ZFAND3: variants seen among roughly 807,000 people sequenced by gnomAD.
ZFAND3 encodes the protein zinc finger AN1-type containing 3.
In ZFAND3, 10 loss-of-function variants were observed where a neutral mutation model predicts 29.6. The observed-to-expected ratio is 0.34, with a 90% CI of 0.21 to 0.57. ZFAND3 has a LOEUF of 0.57. Among genes scored for constraint, ZFAND3 ranks in the 20% least tolerant of loss-of-function variants. ZFAND3 has a pLI of 0.86. For synonymous variants in ZFAND3, 128 were observed against 112.6 expected (o/e 1.14, Z -0.87); for missense variants, 230 against 304.5 (o/e 0.76, Z 1.82).
intron 2 of ZFAND3, among the ~76,000 whole-genome samples, chr6:37,987,945 A>G (rs1415733132): frequency 6.6e-6 from 1 of 152,216 alleles, no homozygotes; most frequent in African/African-American, 2.4e-5. Context: ...TTTTCCGGGA[A>G]TAAATTCTGA....
chr6:37,869,236 C>A (rs1033028169), intron 1 of ZFAND3, among the ~76,000 whole-genome samples: 2 of 152,098 alleles, frequency 1.3e-5, no homozygotes, highest in African/African-American at 2.4e-5. Flanking sequence ...TCTTGGCTCA[C>A]TGCTGCAACC....
In ZFAND3 at chr6:37,974,603, C is replaced by T. The variant is rs921253303; in HGVS notation, c.112+44604C>T. ...TAGAGATAGGGTCTTGCTGTGCTGCCCAGGCTGGTCTCAAACTCATGGGCT... is the reference window on the plus strand; with the variant it reads ...TAGAGATAGGGTCTTGCTGTGCTGCTCAGGCTGGTCTCAAACTCATGGGCT... On this transcript the variant is annotated intron_variant, in intron 2 of 5. Transcript: ENST00000287218. Among the ~76,000 whole-genome samples, 11 of 152,036 alleles carry T rather than the reference C, an allele frequency of 7.2e-5. 1 individual carries two copies. The highest frequency in any genetic ancestry group is 3.3e-4 in the Admixed American group (5 of 15,278).
intron 1 of ZFAND3, among the ~76,000 whole-genome samples, chr6:37,885,003 G>C (rs1764964035): frequency 6.6e-6 from 1 of 152,106 alleles, no homozygotes; most frequent in Non-Finnish European, 1.5e-5. Flanking sequence ...CCACATGATT[G>C]TTTTCAGAAA....
chr6:37,965,147 A>C (rs1762270102), intron 2 of ZFAND3, among the ~76,000 whole-genome samples: 1 of 152,210 alleles, frequency 6.6e-6, no homozygotes, highest in Non-Finnish European at 1.5e-5. Flanking sequence ...GTAAAGACAT[A>C]AAATATGTCC....
intron 4 of ZFAND3, among the ~76,000 whole-genome samples, chr6:38,115,114 C>T (rs914544063): frequency 6.6e-6 from 1 of 152,064 alleles, no homozygotes; most frequent in Non-Finnish European, 1.5e-5. Flanking sequence ...GGGAATGATG[C>T]AGGGCCTCCA....
chr6:38,133,221 A>T (rs11751094), intron 5 of ZFAND3, among the ~76,000 whole-genome samples: 10,396 of 152,238 alleles, frequency 0.068, 426 homozygotes, highest in Non-Finnish European at 0.087. Flanking sequence ...GTCTGTTTAC[A>T]TGTCTGTCCT....
chr6:37,906,575 T>C (rs1765410791), intron 1 of ZFAND3, among the ~76,000 whole-genome samples: 2 of 152,180 alleles, frequency 1.3e-5, no homozygotes, highest in African/African-American at 4.8e-5. Flanking sequence ...GGTCTTGTGG[T>C]AATTCTATGT....
intron 2 of ZFAND3, among the ~76,000 whole-genome samples, chr6:38,051,563 C>G (rs1037046828): frequency 7.2e-5 from 11 of 152,154 alleles, no homozygotes; most frequent in Non-Finnish European, 1.5e-4. Flanking sequence ...TACCAAGGAT[C>G]AACTGTAAAC....
chr6:38,010,801 A>G (rs924967893), intron 2 of ZFAND3, among the ~76,000 whole-genome samples: 1 of 151,246 alleles, frequency 6.6e-6, no homozygotes, highest in African/African-American at 2.4e-5. Context: ...GGGTTTCACC[A>G]TGTTGGCCAG....
At chr6:37,932,013 A>G (rs985300841) in intron 2 of ZFAND3, among the ~76,000 whole-genome samples, 15 of 152,156 alleles carry the variant, frequency 9.9e-5, no homozygotes, top group African/African-American at 2.7e-4. Context: ...GCTCACGCCT[A>G]TAATCCCAGC....
At chr6:38,092,355 G>A (rs1346068796) in intron 4 of ZFAND3, among the ~76,000 whole-genome samples, 3 of 152,084 alleles carry the variant, frequency 2.0e-5, no homozygotes, top group African/African-American at 7.3e-5. Context: ...CTTGCCCCTG[G>A]GAGCTTACAC....
chr6:37,919,833 G>A (rs1214844450), intron 1 of ZFAND3, among the ~76,000 whole-genome samples: 3 of 152,152 alleles, frequency 2.0e-5, no homozygotes, highest in Non-Finnish European at 2.9e-5. Context: ...CCATGACAAA[G>A]TATCCAATAT....
At chr6:38,111,114 CTG>C (rs1361736576) in intron 4 of ZFAND3, among the ~76,000 whole-genome samples, 1 of 152,192 alleles carries the variant, frequency 6.6e-6, no homozygotes, top group Non-Finnish European at 1.5e-5. Flanking sequence ...TCCAGTTAAA[CTG>C]TGTTCTTAAA....
intron 4 of ZFAND3, among the ~76,000 whole-genome samples, chr6:38,096,156 T>C (rs1764974112): frequency 6.6e-6 from 1 of 152,152 alleles, no homozygotes. Context: ...TAGAACTCAT[T>C]AGGGTTTTGT....
At position 37,898,013 on chromosome 6, in the gene ZFAND3, G is replaced by A. The variant is rs73419457; in HGVS notation, c.72-31946G>A. Among the ~76,000 whole-genome samples the A allele has an allele frequency of 2.6e-3, 399 of 152,120 alleles. 1 individual carries two copies. Among genetic ancestry groups the A allele is most frequent in the Non-Finnish European group, 4.2e-3 (286 of 67,986 alleles). On this transcript the variant is annotated intron_variant, in intron 1 of 5. Coordinates refer to ENST00000287218, the MANE Select transcript of ZFAND3 (RefSeq NM_021943.3). ...TGGTTGACTTTTTTATTCCCTTAGT[G>A]TTATCTTTTGATGAACAGAAGTTCT...
At chr6:38,065,948 AG>A (rs1353300731) in intron 3 of ZFAND3, among the ~76,000 whole-genome samples, 1 of 152,230 alleles carries the variant, frequency 6.6e-6, no homozygotes, top group Non-Finnish European at 1.5e-5. Flanking sequence ...GAGTAAGATT[AG>A]GTCTTTATAA....
intron 5 of ZFAND3, among the ~76,000 whole-genome samples, chr6:38,137,915 C>T (rs1252839857): frequency 3.3e-5 from 5 of 152,096 alleles, no homozygotes; most frequent in African/African-American, 7.2e-5. Flanking sequence ...AGGGATCAGT[C>T]GGGGGCTTGC....
intron 1 of ZFAND3, among the ~76,000 whole-genome samples, chr6:37,856,204 G>A (rs1261313455): frequency 6.6e-6 from 1 of 151,704 alleles, no homozygotes; most frequent in Non-Finnish European, 1.5e-5. Flanking sequence ...CATGTTGCCC[G>A]GCCGGTCTCA....
rs536256433 is a variant in ZFAND3 at position 38,095,877 on chromosome 6, C to A, written c.361+13420C>A. ...TGAGGCTTTGTGTCTACAATCAATA[C>A]AGAAAATTAGCCAGGCATAGTGGTG... is the stretch of plus-strand genomic sequence containing the variant. On this transcript the variant is annotated intron_variant, in intron 4 of 5. Transcript: ENST00000287218. Among the ~76,000 whole-genome samples the A allele has an allele frequency of 2.0e-5, 3 of 151,908 alleles. No homozygotes were observed. The South Asian group carries it at 6.2e-4, about 32-fold the overall frequency.
Sources: gnomAD v4.1 joint callset for allele counts (sites outside exome capture counted in the v4.1 genomes callset) on GRCh38, gnomAD v4.1.1 for gene constraint, MANE v1.5 for transcripts, NCBI Gene and HGNC (gene_info 2026-07-23, HGNC 2026-07-21) for gene names.